Variants in FREM2 observed in about 807,000 individuals in gnomAD.
FREM2 encodes the protein FRAS1 related extracellular matrix 2.
Under a neutral mutation model 219.9 loss-of-function variants are expected in FREM2, and 119 were observed. That is an observed-to-expected ratio of 0.54 (90% confidence interval 0.47 to 0.63). FREM2 has a LOEUF of 0.63. Among genes scored for constraint, FREM2 ranks in the 30% least tolerant of loss-of-function variants. FREM2 has a pLI of 0.00. For missense variants in FREM2, 4,030 were observed against 3,993.6 expected (o/e 1.01, Z -0.25); for synonymous variants, 1,562 against 1,522.8 (o/e 1.03, Z -0.60).
intron 6 of FREM2, among the ~76,000 whole-genome samples, chr13:38,799,870 A>G (rs566077141): frequency 6.6e-6 from 1 of 152,216 alleles, no homozygotes; most frequent in East Asian, 1.9e-4. Context: ...CTTTGAAGGT[A>G]AAGTGCATTT....
intron 2 of FREM2, among the ~76,000 whole-genome samples, chr13:38,754,502 C>T (rs1010438490): frequency 2.6e-5 from 4 of 152,130 alleles, no homozygotes; most frequent in Non-Finnish European, 5.9e-5. Context: ...CACTTGAATG[C>T]TACATCTACC....
intron 4 of FREM2, among the ~76,000 whole-genome samples, chr13:38,777,833 A>G (rs1873935027): frequency 6.6e-6 from 1 of 152,190 alleles, no homozygotes; most frequent in East Asian, 1.9e-4. Flanking sequence ...CACAGCCTAC[A>G]TATTTCTGTT....
intron 6 of FREM2, among the ~76,000 whole-genome samples, chr13:38,798,980 T>C (rs1406293894): frequency 6.6e-6 from 1 of 152,042 alleles, no homozygotes; most frequent in Non-Finnish European, 1.5e-5. Context: ...TTTTCTTCAG[T>C]TCTGTTCTGA....
At chr13:38,715,078 G>A (rs1189551238) in intron 2 of FREM2, among the ~76,000 whole-genome samples, 2 of 152,112 alleles carry the variant, frequency 1.3e-5, no homozygotes, top group African/African-American at 2.4e-5. Context: ...GGTGACAAGA[G>A]TGAGACTCTG....
At chr13:38,820,267 T>C (rs1875988740) in intron 6 of FREM2, among the ~76,000 whole-genome samples, 1 of 152,154 alleles carries the variant, frequency 6.6e-6, no homozygotes, top group African/African-American at 2.4e-5. Context: ...CAAGTCCTCG[T>C]GGATAAATAT....
chr13:38,727,218 G>A (rs1251479054), intron 2 of FREM2, among the ~76,000 whole-genome samples: 1 of 152,084 alleles, frequency 6.6e-6, no homozygotes, highest in Non-Finnish European at 1.5e-5. Flanking sequence ...CATCATAAAA[G>A]TAATTCTAAA....
intron 2 of FREM2, among the ~76,000 whole-genome samples, chr13:38,728,925 T>A (rs1871649134): frequency 6.6e-6 from 1 of 152,182 alleles, no homozygotes; most frequent in South Asian, 2.1e-4. Context: ...AACCTCCGCC[T>A]CCTGGGATCA....
chr13:38,813,510 C>G (rs1250244397), intron 6 of FREM2, among the ~76,000 whole-genome samples: 2 of 11,832 alleles, frequency 1.7e-4, no homozygotes, highest in Non-Finnish European at 3.4e-4. Context: ...CTCTCTCTCT[C>G]TCTCTCTCCT....
At position 38,769,809 on chromosome 13, in the gene FREM2, G is replaced by A; in HGVS notation, c.5641+1G>A. The A allele has an allele frequency of 6.2e-7, 1 of 1,611,006 alleles. No individual in the cohort carries two copies. Among genetic ancestry groups the A allele is most frequent in the Non-Finnish European group, 8.5e-7 (1 of 1,177,248 alleles). On this transcript the variant is annotated splice_donor_variant, in intron 4 of 23. Coordinates refer to ENST00000280481, the MANE Select transcript of FREM2 (RefSeq NM_207361.6). LOFTEE classifies it high-confidence loss of function. ...GTTGAGATCGTTGATCCAGGAGATG[G>A]TAAGAGCCATCGTCAACTGGTTTAT...
intron 6 of FREM2, among the ~76,000 whole-genome samples, chr13:38,837,026 G>A (rs1484898265): frequency 1.3e-5 from 2 of 152,082 alleles, no homozygotes; most frequent in African/African-American, 2.4e-5. Flanking sequence ...TCTTTTAATT[G>A]TGATGTTAGG....
At chr13:38,771,707 TG>T (rs1377771280) in intron 4 of FREM2, among the ~76,000 whole-genome samples, 10 of 152,282 alleles carry the variant, frequency 6.6e-5, no homozygotes, top group South Asian at 2.1e-4. Context: ...TTTCAAGTCA[TG>T]AAAATCCTTG....
Position 38,880,749 on chromosome 13 carries a change from C to A in FREM2, c.9472C>A (p.Pro3158Thr). The stretch of plus-strand genomic sequence containing the variant: ...CTCCAGCAGCAGTGAGCCCATGGTG[C>A]CCCCACAGAGCCATCACAATGACAG... ...KGSSSSEPMV[P>T]PQSHHNDSSE... Residue 3158 changes from proline (P) to threonine (T), a missense_variant, in exon 24 of 24, where the codon CCC (proline) becomes ACC (threonine). Physicochemically the swap from Pro to Thr is conservative, Grantham distance 38. Transcript: ENST00000280481. 2.5e-6 allele frequency: 4 copies of A among 1,614,096 alleles called. No individual in the cohort carries two copies. The highest frequency in any genetic ancestry group is 3.4e-6 in the Non-Finnish European group (4 of 1,180,020).
intron 4 of FREM2, among the ~76,000 whole-genome samples, chr13:38,771,235 T>A (rs1264495809): frequency 6.6e-6 from 1 of 152,256 alleles, no homozygotes; most frequent in Admixed American, 6.5e-5. Flanking sequence ...TTACTTACAT[T>A]TAATTGTATC....
rs904496902 is a variant in FREM2 at position 38,859,496 on chromosome 13, C to G, written c.7425C>G (p.Gly2475=). 2.5e-6 allele frequency: 4 copies of G among 1,614,092 alleles called. No homozygotes were observed. Among genetic ancestry groups the G allele is most frequent in the Non-Finnish European group, 3.4e-6 (4 of 1,179,986 alleles). ...TGGACTCCATATACTTTCAGCCTGG[C>G]TCCCGGGTACAGTGCGCAGCTCGTG... is the stretch of plus-strand genomic sequence containing the variant. ...VTLDSIYFQP[G]SRVQCAARAV... is the part of the protein sequence containing the mutation. The change falls in exon 14 of 24, where the codon GGC becomes GGG. Residue 2475 remains glycine, a synonymous_variant. Coordinates refer to ENST00000280481, the MANE Select transcript of FREM2 (RefSeq NM_207361.6).
rs1165656181 is a variant in FREM2, at chr13:38,692,554, T to C, written c.5173+37T>C. ...GTTTCTTTTCTTGGTTATCCTTGTTTCCTGAGAATGTGGCTTCACTAAAAG... is the reference window on the plus strand; with the variant it reads ...GTTTCTTTTCTTGGTTATCCTTGTTCCCTGAGAATGTGGCTTCACTAAAAG... On this transcript the variant is annotated intron_variant, in intron 1 of 23. Transcript: ENST00000280481. The C allele has an allele frequency of 6.9e-6, 11 of 1,599,348 alleles. No homozygotes were observed. The East Asian group carries it at 1.6e-4, about 23-fold the overall frequency.
chr13:38,782,566 AC>A (rs1874159621), intron 4 of FREM2, among the ~76,000 whole-genome samples: 1 of 152,214 alleles, frequency 6.6e-6, no homozygotes, highest in Non-Finnish European at 1.5e-5. Context: ...AAAAGAACTC[AC>A]TTTGGATGAA....
chr13:38,692,167 G>A lies in FREM2; in HGVS notation c.4823G>A (p.Gly1608Asp), dbSNP rs767651775. The A allele has an allele frequency of 3.8e-5, 62 of 1,614,056 alleles. No individual in the cohort carries two copies. The highest frequency in any genetic ancestry group is 1.6e-4 in the Middle Eastern group (1 of 6,084). Residue 1608 changes from glycine to aspartate, a missense_variant, in exon 1 of 24, where the codon GGC becomes GAC. Around this residue, in one of 2 missense-constraint regions of FREM2, gnomAD observed 3,102 missense variants for 2,950.7 expected, o/e 1.05. Coordinates refer to ENST00000280481, the MANE Select transcript of FREM2 (RefSeq NM_207361.6). ...NENLISYKHD[G>D]TESSEDSFSF... ...AACTTAATCAGCTACAAACATGATG[G>A]CACTGAGTCAAGTGAAGATAGCTTC...
chr13:38,698,008 A>C (rs1219360049), intron 2 of FREM2, among the ~76,000 whole-genome samples: 2 of 152,194 alleles, frequency 1.3e-5, no homozygotes, highest in Non-Finnish European at 2.9e-5. Context: ...TTGTCTTACT[A>C]TTTGTAAAGC....
intron 7 of FREM2, among the ~76,000 whole-genome samples, chr13:38,847,202 A>T (rs796499087): frequency 1.3e-5 from 2 of 152,142 alleles, no homozygotes; most frequent in African/African-American, 4.8e-5. Flanking sequence ...GTTATAAAAA[A>T]GTACTAACTA....
Sources: allele counts gnomAD v4.1 joint callset (sites outside exome capture counted in the v4.1 genomes callset), GRCh38; gene constraint gnomAD v4.1.1; regional missense constraint gnomAD v4.1.1; transcripts MANE v1.5; gene names NCBI Gene and HGNC (gene_info 2026-07-23, HGNC 2026-07-21).